COL25A1: variants seen among roughly 807,000 people sequenced by gnomAD.
COL25A1 encodes collagen alpha-1(XXV) chain.
A neutral mutation model predicts 128.4 loss-of-function variants in COL25A1; 103 were observed. The observed-to-expected ratio is 0.80, with a 90% CI of 0.68 to 0.94. The LOEUF is 0.94. Among genes scored for constraint, COL25A1 ranks in the 40% least tolerant of loss-of-function variants. The pLI is 0.00. For missense variants in COL25A1, 745 were observed against 840.0 expected (o/e 0.89, Z 1.40); for synonymous variants, 279 against 277.2 (o/e 1.01, Z -0.06).
At chr4:109,036,588 G>C (rs1759379428) in intron 5 of COL25A1, among the ~76,000 whole-genome samples, 2 of 152,112 alleles carry the variant, frequency 1.3e-5, no homozygotes. Context: ...TGGAAGTTTA[G>C]GTCATTTCCT....
At chr4:109,215,828 C>A (rs1053495194) in intron 3 of COL25A1, among the ~76,000 whole-genome samples, 2 of 152,088 alleles carry the variant, frequency 1.3e-5, no homozygotes, top group African/African-American at 4.8e-5. Context: ...CAGCATGAGA[C>A]CCTCCTCAAA....
At chr4:109,006,757 C>G (rs543121073) in intron 6 of COL25A1, among the ~76,000 whole-genome samples, 15 of 152,152 alleles carry the variant, frequency 9.9e-5, no homozygotes, top group African/African-American at 3.6e-4. Flanking sequence ...TCTAAGTGCT[C>G]ATATTTATGA....
intron 26 of COL25A1, among the ~76,000 whole-genome samples, chr4:108,851,720 T>C (rs976264996): frequency 1.3e-5 from 2 of 152,202 alleles, no homozygotes; most frequent in Non-Finnish European, 2.9e-5. Context: ...TTTCATTAGA[T>C]AAGATTTAAA....
intron 16 of COL25A1, among the ~76,000 whole-genome samples, chr4:108,892,262 T>C (rs1741601792): frequency 6.6e-6 from 1 of 152,182 alleles, no homozygotes; most frequent in Non-Finnish European, 1.5e-5. Flanking sequence ...GGGTAAGTTA[T>C]AGATGAGGAA....
intron 8 of COL25A1, among the ~76,000 whole-genome samples, chr4:108,972,500 A>C (rs1358026290): frequency 6.6e-6 from 1 of 152,178 alleles, no homozygotes; most frequent in Non-Finnish European, 1.5e-5. Flanking sequence ...TTCTAAGAGC[A>C]CTGAATGAGA....
Position 109,024,495 on chromosome 4 carries a change from G to A in COL25A1, c.421-14120C>T, listed in dbSNP as rs375229171. Among the ~76,000 whole-genome samples the A allele has an allele frequency of 2.0e-5, 3 of 151,906 alleles. No homozygotes were observed. The East Asian group carries it at 5.8e-4, about 29-fold the overall frequency. ...ATCTATCTAAAAAAAGAAAGAGAAG[G>A]AAAAGAAAATAAGAGATGAAGAGGG... On this transcript the variant is annotated intron_variant, in intron 5 of 37. Transcript: ENST00000399132.
intron 6 of COL25A1, among the ~76,000 whole-genome samples, chr4:108,980,282 G>C (rs989117302): frequency 1.3e-5 from 2 of 152,188 alleles, no homozygotes; most frequent in African/African-American, 4.8e-5. Flanking sequence ...TGCTAGTGGA[G>C]GCACAGGGAG....
At chr4:109,000,794 G>T (rs1424593045) in intron 6 of COL25A1, among the ~76,000 whole-genome samples, 1 of 137,784 alleles carries the variant, frequency 7.3e-6, no homozygotes, top group Non-Finnish European at 1.6e-5. Flanking sequence ...ATAACACTTT[G>T]TCAGGATTCA....
intron 12 of COL25A1, among the ~76,000 whole-genome samples, chr4:108,919,464 T>C (rs1745245078): frequency 6.6e-6 from 1 of 152,194 alleles, no homozygotes; most frequent in African/African-American, 2.4e-5. Context: ...ACTTGGTTTG[T>C]AGGATTATGT....
At chr4:109,099,357 C>T (rs1765679769) in intron 3 of COL25A1, among the ~76,000 whole-genome samples, 1 of 152,086 alleles carries the variant, frequency 6.6e-6, no homozygotes, top group African/African-American at 2.4e-5. Flanking sequence ...GAAATATTTG[C>T]ATATCTAGAC....
At chr4:108,819,532 C>G (rs1230594548) in intron 35 of COL25A1, among the ~76,000 whole-genome samples, 1 of 152,174 alleles carries the variant, frequency 6.6e-6, no homozygotes, top group African/African-American at 2.4e-5. Flanking sequence ...GTGGCCTCCT[C>G]TTTTGAAGGG....
At chr4:108,943,748 C>T (rs1748410831) in intron 8 of COL25A1, among the ~76,000 whole-genome samples, 1 of 151,438 alleles carries the variant, frequency 6.6e-6, no homozygotes, top group Non-Finnish European at 1.5e-5. Flanking sequence ...TTGGGTAAGT[C>T]TGAGAGAGAA....
intron 8 of COL25A1, among the ~76,000 whole-genome samples, chr4:108,943,092 T>A (rs779018558): frequency 2.0e-5 from 3 of 152,164 alleles, no homozygotes. Flanking sequence ...ATAGGGAAAC[T>A]GAGAGCTCAT....
At chr4:109,056,921 G>A (rs1301282308) in intron 3 of COL25A1, among the ~76,000 whole-genome samples, 1 of 152,188 alleles carries the variant, frequency 6.6e-6, no homozygotes, top group East Asian at 1.9e-4. Flanking sequence ...GAGTGCAGTG[G>A]TGATAATAGC....
At chr4:108,829,369 G>A (rs575596199) in intron 32 of COL25A1, among the ~76,000 whole-genome samples, 5 of 148,120 alleles carry the variant, frequency 3.4e-5, no homozygotes, top group African/African-American at 1.3e-4. Context: ...AACTAGTAAG[G>A]TGTGTATGTG....
chr4:108,959,120 G>A (rs6853519), intron 8 of COL25A1, among the ~76,000 whole-genome samples: 46,043 of 151,736 alleles, frequency 0.3, 7,545 homozygotes, highest in South Asian at 0.46. Context: ...GAAACTGCAT[G>A]CATATTTAAG....
intron 3 of COL25A1, among the ~76,000 whole-genome samples, chr4:109,115,882 C>T (rs529566098): frequency 7.9e-5 from 12 of 152,052 alleles, no homozygotes; most frequent in African/African-American, 2.9e-4. Flanking sequence ...CATGAAACAC[C>T]CCCTGCACCT....
intron 8 of COL25A1, among the ~76,000 whole-genome samples, chr4:108,969,598 T>C (rs559988304): frequency 6.6e-5 from 10 of 152,298 alleles, no homozygotes; most frequent in African/African-American, 2.4e-4. Context: ...GGAATCTCTT[T>C]CTTGGTTCAT....
At chr4:108,854,771 A>G (rs2125778968) in intron 24 of COL25A1, among the ~76,000 whole-genome samples, 1 of 152,330 alleles carries the variant, frequency 6.6e-6, no homozygotes, top group South Asian at 2.1e-4. Flanking sequence ...GTGGGAGTGT[A>G]AACTAGTTCA....
Sources: allele counts gnomAD v4.1 joint callset (sites outside exome capture counted in the v4.1 genomes callset), GRCh38; gene constraint gnomAD v4.1.1; transcripts MANE v1.5; gene names NCBI Gene and HGNC (gene_info 2026-07-23, HGNC 2026-07-21).